The following PYGB variants were observed in gnomAD, a reference collection of about 807,000 sequenced individuals.
PYGB encodes the protein glycogen phosphorylase B.
In PYGB, 82 loss-of-function variants were observed where a neutral mutation model predicts 94.3. The observed-to-expected ratio is 0.87, with a 90% CI of 0.73 to 1.04. PYGB has a LOEUF of 1.04. PYGB is among the 50% of genes least tolerant of loss of function. The pLI is 0.00. For missense variants in PYGB, 1,132 were observed against 1,158.2 expected, an observed-to-expected ratio of 0.98 and a Z score of 0.33; for synonymous variants, 488 against 479.1, an observed-to-expected ratio of 1.02 and a Z score of -0.24.
At chr20:25,292,376 G>C in intron 16 of PYGB, 30 bp from the exon 17 acceptor site, 1 of 1,609,828 alleles carries the variant, frequency 6.2e-7, no homozygotes, top group Non-Finnish European at 8.5e-7. Flanking sequence ...GGTCCTCACA[G>C]TGATCCCCTC....
intron 15 of PYGB, chr20:25,289,939 T>C (rs1183882953): frequency 1.3e-5 from 7 of 533,600 alleles, no homozygotes; most frequent in South Asian, 5.6e-5. Context: ...GGGTACTTCA[T>C]GGGTCCCCTG....
At chr20:25,295,262 T>C (rs977218746) in intron 18 of PYGB, among the ~76,000 whole-genome samples, 6 of 152,226 alleles carry the variant, frequency 3.9e-5, no homozygotes, top group Admixed American at 1.3e-4. Flanking sequence ...GGCGGCGCCA[T>C]GGGCTCTCCA....
At chr20:25,268,723 C>A (rs1474197736) in intron 2 of PYGB, among the ~76,000 whole-genome samples, 2 of 152,170 alleles carry the variant, frequency 1.3e-5, no homozygotes, top group East Asian at 3.8e-4. Flanking sequence ...ATTGCTTTTT[C>A]TCTAATTTTT....
Position 25,283,137 on chromosome 20 carries a change from G to T in PYGB, c.1519-39G>T, listed in dbSNP as rs781002227. ...TGGCTAGGGGGCCCAGCCTCAGGAG[G>T]CTGAGGCCCACAGTGAGCGGAACCT... On this transcript the variant is annotated intron_variant, in intron 12 of 19. Transcript: ENST00000216962. 4 of 1,539,922 alleles carry T rather than the reference G, an allele frequency of 2.6e-6. No homozygotes were observed. In the South Asian group the frequency reaches 3.4e-5, roughly 13 times the overall value.
intron 6 of PYGB, 98 bp from the exon 7 acceptor site, chr20:25,277,146 G>A (rs548100857): frequency 1.1e-5 from 10 of 931,950 alleles, no homozygotes; most frequent in African/African-American, 3.2e-5. Context: ...TCCTGTGCTC[G>A]AGCGAGTTTC....
intron 2 of PYGB, among the ~76,000 whole-genome samples, chr20:25,261,115 T>G (rs1019791126): frequency 6.6e-6 from 1 of 152,218 alleles, no homozygotes; most frequent in African/African-American, 2.4e-5. Flanking sequence ...GTGTGACATC[T>G]TTGAAGAGAG....
intron 17 of PYGB, among the ~76,000 whole-genome samples, chr20:25,293,280 C>T (rs2088489861): frequency 6.6e-6 from 1 of 151,904 alleles, no homozygotes; most frequent in East Asian, 1.9e-4. Flanking sequence ...TCCTGCAGCC[C>T]ACACTCCATT....
intron 1 of PYGB, among the ~76,000 whole-genome samples, chr20:25,258,980 A>G (rs2092907938): frequency 6.6e-6 from 1 of 152,166 alleles, no homozygotes; most frequent in Non-Finnish European, 1.5e-5. Context: ...CACATCATGG[A>G]AAGTTAGTGT....
In PYGB at chr20:25,297,346, G is replaced by A. The variant is rs2088563542; in HGVS notation, c.*824G>A. On this transcript the variant is annotated 3_prime_UTR_variant, in exon 20 of 20. Coordinates refer to ENST00000216962, the MANE Select transcript of PYGB (RefSeq NM_002862.4). ...GAAGCCTTTTCTTGTTTTAGCAACT[G>A]AAAATTGTACTTGGTCACTTTTGTG... 1 of 152,356 alleles carries A rather than the reference G, an allele frequency of 6.6e-6. No individual in the cohort carries two copies. Among genetic ancestry groups the A allele is most frequent in the Non-Finnish European group, 1.5e-5 (1 of 68,062 alleles). 9.4% of individuals were successfully genotyped at this position (152,356 alleles called of 1,614,324 possible). A position where few individuals can be genotyped will look rare whatever the true frequency, so the allele number is the denominator to read the frequency against.
At chr20:25,257,865 A>G (rs1245259296) in intron 1 of PYGB, among the ~76,000 whole-genome samples, 5 of 152,202 alleles carry the variant, frequency 3.3e-5, no homozygotes, top group African/African-American at 9.7e-5. Context: ...TTCCTCTGCC[A>G]GAGGGGGGAG....
intron 1 of PYGB, among the ~76,000 whole-genome samples, chr20:25,252,079 T>C (rs2092889661): frequency 6.6e-6 from 1 of 152,210 alleles, no homozygotes; most frequent in South Asian, 2.1e-4. Flanking sequence ...CACTTTTATG[T>C]GTGAAGTTGA....
At chr20:25,288,622 C>T (rs2088439458) in intron 15 of PYGB, 139 bp downstream of exon 15, 3 of 985,476 alleles carry the variant, frequency 3.0e-6, no homozygotes, top group Non-Finnish European at 4.6e-6. Context: ...CTCTGGTATG[C>T]CTGTGGGGGT....
At chr20:25,284,079 C>T (rs778560256) in intron 13 of PYGB, 25 bp from the exon 14 acceptor site, 2 of 1,610,830 alleles carry the variant, frequency 1.2e-6, no homozygotes, top group Admixed American at 3.3e-5. Flanking sequence ...AAGTCTCCAG[C>T]CATCTTTCCC....
chr20:25,296,290 C>T lies in PYGB; in HGVS notation c.2380-80C>T, dbSNP rs977176820. 5.2e-6 allele frequency: 8 copies of T among 1,545,746 alleles called. No homozygotes were observed. The Admixed American group carries it at 8.4e-5, about 16-fold the overall frequency. ...GGCTCGGAGCTCATTTGGAAACAGTCCTAAAGTTCTGGAATCCCATGTTTT... is the reference window on the plus strand; with the variant it reads ...GGCTCGGAGCTCATTTGGAAACAGTTCTAAAGTTCTGGAATCCCATGTTTT... On this transcript the variant is annotated intron_variant, in intron 19 of 19. Coordinates refer to ENST00000216962, the MANE Select transcript of PYGB (RefSeq NM_002862.4).
intron 5 of PYGB, among the ~76,000 whole-genome samples, chr20:25,275,879 C>T (rs1229992552): frequency 1.3e-5 from 2 of 152,168 alleles, no homozygotes; most frequent in Admixed American, 6.5e-5. Context: ...GGGTTTTAGT[C>T]TTGGTGGCCC....
intron 17 of PYGB, chr20:25,293,931 A>T: frequency 1.7e-6 from 1 of 578,074 alleles, no homozygotes; most frequent in Non-Finnish European, 3.1e-6. Flanking sequence ...CAGTCAAAGG[A>T]GCAGGTGGGA....
chr20:25,258,875 G>T (rs181737079), intron 1 of PYGB, among the ~76,000 whole-genome samples: 1 of 152,392 alleles, frequency 6.6e-6, no homozygotes, highest in African/African-American at 2.4e-5. Context: ...TTGCCCAAGG[G>T]CACATGGCTG....
intron 1 of PYGB, among the ~76,000 whole-genome samples, chr20:25,258,649 A>G (rs2092907336): frequency 6.6e-6 from 1 of 152,138 alleles, no homozygotes; most frequent in South Asian, 2.1e-4. Context: ...ACAGCACCTC[A>G]CTGGCATAGA....
At chr20:25,277,774 A>G (rs2088326827) in intron 7 of PYGB, among the ~76,000 whole-genome samples, 1 of 152,262 alleles carries the variant, frequency 6.6e-6, no homozygotes, top group African/African-American at 2.4e-5. Context: ...TCCTTGGCAC[A>G]TGCCCTTCCC....
Sources: gnomAD v4.1 joint callset for allele counts (sites outside exome capture counted in the v4.1 genomes callset) on GRCh38, gnomAD v4.1.1 for gene constraint, MANE v1.5 for transcripts, NCBI Gene and HGNC (gene_info 2026-07-23, HGNC 2026-07-21) for gene names.